The following L3MBTL4 variants were observed in gnomAD, a reference collection of about 807,000 sequenced individuals.
The protein encoded by L3MBTL4 is L3MBTL histone methyl-lysine binding protein 4, also known as lethal(3)malignant brain tumor-like protein 4.
Under a neutral mutation model 84.5 loss-of-function variants are expected in L3MBTL4, and 70 were observed. The observed-to-expected ratio is 0.83, with a 90% CI of 0.68 to 1.01. L3MBTL4 has a LOEUF of 1.01. L3MBTL4 is among the 50% of genes least tolerant of loss of function. L3MBTL4 has a pLI of 0.00. For missense variants in L3MBTL4, 715 were observed against 754.8 expected (o/e 0.95, Z 0.62); for synonymous variants, 274 against 259.8 (o/e 1.05, Z -0.52).
intron 14 of L3MBTL4, among the ~76,000 whole-genome samples, chr18:6,101,875 A>C (rs190602901): frequency 6.6e-6 from 1 of 152,306 alleles, no homozygotes; most frequent in East Asian, 1.9e-4. Flanking sequence ...ACTTGTTATA[A>C]ATATGTGCCC....
chr18:6,393,966 T>C (rs2055165720), intron 1 of L3MBTL4, among the ~76,000 whole-genome samples: 1 of 152,132 alleles, frequency 6.6e-6, no homozygotes, highest in Admixed American at 6.5e-5. Context: ...AAGGGTCTCC[T>C]TACTGTTCCT....
At chr18:6,103,611 T>C (rs1214615634) in intron 14 of L3MBTL4, among the ~76,000 whole-genome samples, 2 of 152,202 alleles carry the variant, frequency 1.3e-5, no homozygotes, top group African/African-American at 4.8e-5. Flanking sequence ...GAATCATAAT[T>C]CCATCTTTTG....
At chr18:6,203,737 C>T (rs1197925305) in intron 12 of L3MBTL4, among the ~76,000 whole-genome samples, 2 of 152,110 alleles carry the variant, frequency 1.3e-5, no homozygotes, top group African/African-American at 2.4e-5. Flanking sequence ...GGTGGGATCT[C>T]GTTAAAACAC....
intron 3 of L3MBTL4, among the ~76,000 whole-genome samples, chr18:6,306,331 A>G (rs1480765250): frequency 6.6e-6 from 1 of 152,214 alleles, no homozygotes; most frequent in Non-Finnish European, 1.5e-5. Context: ...ATTTTGTTCA[A>G]ATACTTGATA....
intron 16 of L3MBTL4, among the ~76,000 whole-genome samples, chr18:6,073,066 T>C (rs1298103732): frequency 6.7e-6 from 1 of 149,376 alleles, no homozygotes; most frequent in African/African-American, 2.5e-5. Context: ...AGAAAACAAA[T>C]GCACACTAGA....
chr18:6,051,696 G>C (rs544924064), intron 16 of L3MBTL4, among the ~76,000 whole-genome samples: 22 of 152,186 alleles, frequency 1.4e-4, no homozygotes, highest in Non-Finnish European at 2.9e-4. Context: ...GTGGCCCTGG[G>C]TGGAGCCACC....
At chr18:6,199,638 G>A (rs1048274831) in intron 12 of L3MBTL4, among the ~76,000 whole-genome samples, 3 of 152,208 alleles carry the variant, frequency 2.0e-5, no homozygotes, top group Non-Finnish European at 4.4e-5. Flanking sequence ...ATCCAGGGCA[G>A]GAAGCAGCTA....
At chr18:6,220,349 G>A (rs2046499139) in intron 10 of L3MBTL4, among the ~76,000 whole-genome samples, 1 of 152,090 alleles carries the variant, frequency 6.6e-6, no homozygotes, top group African/African-American at 2.4e-5. Flanking sequence ...CTACACTCCT[G>A]CTGTAACTAG....
At chr18:6,196,219 A>G (rs562275225) in intron 12 of L3MBTL4, among the ~76,000 whole-genome samples, 1,606 of 143,428 alleles carry the variant, frequency 0.011, 33 homozygotes, top group African/African-American at 0.04. Flanking sequence ...CTGCAGTGGC[A>G]TGATCTCAGC....
chr18:6,081,182 T>A, intron 15 of L3MBTL4: 2 of 369,198 alleles, frequency 5.4e-6, no homozygotes. Flanking sequence ...CCCCCCTCAT[T>A]CTATTACAGT....
chr18:6,292,890 T>C (rs2049930586), intron 4 of L3MBTL4, among the ~76,000 whole-genome samples: 1 of 113,506 alleles, frequency 8.8e-6, no homozygotes, highest in Non-Finnish European at 1.9e-5. Context: ...TAAGACTAGT[T>C]CTACCCTCTG....
chr18:6,201,013 A>G (rs1411646376), intron 12 of L3MBTL4, among the ~76,000 whole-genome samples: 1 of 152,196 alleles, frequency 6.6e-6, no homozygotes, highest in East Asian at 1.9e-4. Context: ...TTTGGCAAAT[A>G]TTTATTGAGT....
At chr18:5,957,347 T>C (rs980773745) in intron 18 of L3MBTL4, among the ~76,000 whole-genome samples, 2 of 152,192 alleles carry the variant, frequency 1.3e-5, no homozygotes, top group Non-Finnish European at 2.9e-5. Flanking sequence ...CATCACATTA[T>C]ACACTTTGAA....
chr18:5,997,067 A>T (rs1295192566), intron 16 of L3MBTL4, among the ~76,000 whole-genome samples: 1 of 151,036 alleles, frequency 6.6e-6, no homozygotes, highest in African/African-American at 2.5e-5. Context: ...AAACTAAACA[A>T]TAAAAAACAT....
At chr18:6,385,056 G>A (rs1301327942) in intron 1 of L3MBTL4, among the ~76,000 whole-genome samples, 2 of 152,126 alleles carry the variant, frequency 1.3e-5, no homozygotes, top group Non-Finnish European at 2.9e-5. Flanking sequence ...AGAGAAGTTC[G>A]TAAGTTCAAA....
chr18:6,316,424 G>A (rs893685499), intron 1 of L3MBTL4, among the ~76,000 whole-genome samples: 2 of 152,152 alleles, frequency 1.3e-5, no homozygotes, highest in South Asian at 2.1e-4. Context: ...TTCTGCTCAC[G>A]GGAAGTTTCT....
intron 1 of L3MBTL4, among the ~76,000 whole-genome samples, chr18:6,363,039 T>A (rs981468615): frequency 5.9e-5 from 9 of 152,292 alleles, no homozygotes; most frequent in Admixed American, 3.3e-4. Context: ...GAGGGGCTGT[T>A]TTCTATGAAC....
chr18:6,381,588 T>C (rs1291518987), intron 1 of L3MBTL4, among the ~76,000 whole-genome samples: 1 of 152,262 alleles, frequency 6.6e-6, no homozygotes, highest in East Asian at 1.9e-4. Context: ...CCTGCACTTA[T>C]GAAGCTTAGT....
At chr18:6,366,113 C>T (rs575499075) in intron 1 of L3MBTL4, among the ~76,000 whole-genome samples, 1 of 152,142 alleles carries the variant, frequency 6.6e-6, no homozygotes, top group African/African-American at 2.4e-5. Flanking sequence ...ATTCTATAGT[C>T]TTTTCCTTCT....
Sources: allele counts gnomAD v4.1 joint callset (sites outside exome capture counted in the v4.1 genomes callset), GRCh38; gene constraint gnomAD v4.1.1; transcripts MANE v1.5; gene names NCBI Gene and HGNC (gene_info 2026-07-23, HGNC 2026-07-21).